ARSL: variants seen among roughly 807,000 people sequenced by gnomAD.
ARSL encodes the protein arylsulfatase E (chondrodysplasia punctata 1).
ARSL carries 4 observed loss-of-function variants against 31.1 expected under a neutral mutation model. That is an observed-to-expected ratio of 0.13 (90% confidence interval 0.06 to 0.29). The LOEUF is 0.29. ARSL is among the 10% of genes least tolerant of loss of function. The pLI is 1.00. For synonymous variants in ARSL, 198 were observed against 209.9 expected (o/e 0.94, Z 0.49); for missense variants, 312 against 497.8 (o/e 0.63, Z 3.55).
intron 4 of ARSL, among the ~76,000 whole-genome samples, chrX:2,953,981 TAA>T (rs1466875131): frequency 9.0e-6 from 1 of 111,598 alleles, no homozygotes; most frequent in East Asian, 2.8e-4. Flanking sequence ...CTCAGCCTCC[TAA>T]AGTGTTGGGA....
chrX:2,962,476 C>CAG (rs1569112867), intron 1 of ARSL, among the ~76,000 whole-genome samples: 1 of 108,632 alleles, frequency 9.2e-6, no homozygotes, highest in Non-Finnish European at 1.9e-5. Context: ...TAGAAGTGGC[C>CAG]GTGGTGTCTG....
Position 2,955,447 on chromosome X carries a change from G to A in ARSL, c.276C>T (p.Ala92=). The A allele has an allele frequency of 8.3e-7, 1 of 1,212,100 alleles. No homozygotes were observed. The highest frequency in any genetic ancestry group is 1.8e-5 in the South Asian group (1 of 56,925). Residue 92 remains alanine, a synonymous_variant, in exon 4 of 11, where the codon GCC becomes GCT. Transcript: ENST00000381134. ...GCACAGGGTATCTGCCCGTGAGGAA[G>A]GCGGCTCTGCTTGGGGTGCACAAAG... ...AASLCTPSRA[A]FLTGRYPVRS... is the part of the protein sequence containing the mutation.
chrX:2,948,913 CA>C (rs1261240673), intron 6 of ARSL, among the ~76,000 whole-genome samples: 5 of 110,618 alleles, frequency 4.5e-5, no homozygotes, highest in Non-Finnish European at 9.4e-5. Context: ...CTTCAAACGT[CA>C]ATTAAAGAAA....
chrX:2,941,402 G>A (rs1245328433), intron 8 of ARSL, among the ~76,000 whole-genome samples: 6 of 109,824 alleles, frequency 5.5e-5, no homozygotes, highest in Non-Finnish European at 1.1e-4. Flanking sequence ...TTACAGGCAC[G>A]CACCACCACA....
intron 4 of ARSL, among the ~76,000 whole-genome samples, 164 bp downstream of exon 4, chrX:2,955,252 G>A (rs1037893377): frequency 7.1e-5 from 8 of 112,265 alleles, no homozygotes; most frequent in East Asian, 2.8e-4. Flanking sequence ...GTCAAGGAGC[G>A]GGGATCTTTT....
intron 2 of ARSL, among the ~76,000 whole-genome samples, chrX:2,960,051 C>T (rs1296558272): frequency 2.2e-4 from 23 of 105,727 alleles, no homozygotes; most frequent in East Asian, 8.8e-4. Flanking sequence ...GGGCGGATCA[C>T]GAGGTCAGGA....
At chrX:2,965,535 TAAAAA>T (rs1362363902), upstream of ARSL, among the ~76,000 whole-genome samples, 1 of 84,849 alleles carries the variant, frequency 1.2e-5, no homozygotes, top group Non-Finnish European at 2.5e-5. Context: ...AAACATAAGA[TAAAAA>T]GAAAAAAAAT....
Position 2,949,421 on chromosome X carries a change from G to A in ARSL, c.737C>T (p.Ala246Val), listed in dbSNP as rs2147379152. ...AAAGCAATCGGCATGGACAATCAGA[G>A]CACCCACAAAATAGGAGCTTGCGAG... is the stretch of plus-strand genomic sequence containing the variant. ...LLLASSYFVGALIVHADCFLM... is the reference protein window; with the variant it reads ...LLLASSYFVGVLIVHADCFLM... Residue 246 changes from alanine to valine, a missense_variant, in exon 6 of 11, where the codon GCT becomes GTT. Transcript: ENST00000381134. 8.3e-7 allele frequency: 1 copy of A among 1,211,400 alleles called. No homozygotes were observed. Among genetic ancestry groups the A allele is most frequent in the Non-Finnish European group, 1.1e-6 (1 of 895,502 alleles).
chrX:2,967,314 AT>A (rs1192533641), upstream of ARSL, among the ~76,000 whole-genome samples: 1 of 112,218 alleles, frequency 8.9e-6, no homozygotes, highest in Non-Finnish European at 1.9e-5. Flanking sequence ...ATAAAAGCAG[AT>A]TTTTCTTTTC....
rs375707500 is a variant in ARSL at position 2,960,433 on chromosome X, A to C, written c.-20-13T>G. ...CTCTCTCTACTTCCTGTAAGACATA[A>C]AGATGTCCACAATCACATTGACAGC... On this transcript the variant is annotated splice_polypyrimidine_tract_variant and intron_variant, in intron 1 of 10. Transcript: ENST00000381134. 54 of 1,201,488 alleles carry C rather than the reference A, an allele frequency of 4.5e-5. No individual in the cohort carries two copies. The African/African-American group carries it at 6.7e-4, about 15-fold the overall frequency.
chrX:2,949,444 G>A lies in ARSL; in HGVS notation c.714C>T (p.Leu238=), dbSNP rs34795651. The change falls in exon 6 of 11, where the codon CTC becomes CTT. Residue 238 remains leucine, a synonymous_variant. Coordinates refer to ENST00000381134, the MANE Select transcript of ARSL (RefSeq NM_000047.3). ...GAGCACCCACAAAATAGGAGCTTGC[G>A]AGGAGGAGGACGGCCGAAAGGGCTG... ...IWSALSAVLL[L]ASSYFVGALI... The A allele has an allele frequency of 1.2e-4, 144 of 1,209,178 alleles. No homozygotes were observed. The African/African-American group carries it at 2.1e-3, about 18-fold the overall frequency.
upstream of ARSL, among the ~76,000 whole-genome samples, chrX:2,966,951 AC>A (rs1229615749): frequency 9.0e-6 from 1 of 111,231 alleles, no homozygotes; most frequent in Non-Finnish European, 1.9e-5. Context: ...ATATATGTAT[AC>A]ATAACATATA....
chrX:2,943,259 T>C (rs949262747), intron 7 of ARSL, 60 bp from the exon 8 acceptor site: 1 of 1,177,395 alleles, frequency 8.5e-7, no homozygotes, highest in African/African-American at 1.8e-5. Context: ...AATGCAGCTC[T>C]GAAGTGTATG....
At chrX:2,965,281 A>G (rs2089688598), upstream of ARSL, among the ~76,000 whole-genome samples, 3 of 110,951 alleles carry the variant, frequency 2.7e-5, no homozygotes, top group African/African-American at 9.8e-5. Context: ...TGGGCCGATC[A>G]CTTGAACCCA....
chrX:2,964,378 G>A (rs2089679653), upstream of ARSL: 1 of 754,056 alleles, frequency 1.3e-6, no homozygotes, highest in Non-Finnish European at 1.6e-6. Flanking sequence ...AGATCAGAGA[G>A]AGTTAGGACA....
intron 7 of ARSL, among the ~76,000 whole-genome samples, chrX:2,945,299 G>C (rs1016913752): frequency 1.8e-5 from 2 of 111,605 alleles, no homozygotes; most frequent in Non-Finnish European, 3.8e-5. Flanking sequence ...GTTGGGTAGA[G>C]GTCAGACTAG....
At position 2,944,690 on chromosome X, in the gene ARSL, G is replaced by A. The variant is rs1022600392; in HGVS notation, c.991+1308C>T. Among the ~76,000 whole-genome samples, 124 of 109,766 alleles carry A rather than the reference G, an allele frequency of 1.1e-3. 2 individuals carry two copies. Among genetic ancestry groups the A allele is most frequent in the African/African-American group, 4.0e-3 (122 of 30,180 alleles). On this transcript the variant is annotated intron_variant, in intron 7 of 10. Coordinates refer to ENST00000381134, the MANE Select transcript of ARSL (RefSeq NM_000047.3). ...TTCCTAAGTTCTTTTTTGGGAGGCA[G>A]GGATGTGCTGTGCCCATATACAGGT...
intron 7 of ARSL, among the ~76,000 whole-genome samples, chrX:2,944,069 C>G (rs1238289911): frequency 1.8e-5 from 2 of 110,271 alleles, no homozygotes; most frequent in African/African-American, 6.6e-5. Flanking sequence ...GTCCCAGGTA[C>G]TTGGGAGGCT....
chrX:2,935,297 C>G, intron 10 of ARSL, 107 bp from the exon 11 acceptor site: 1 of 725,368 alleles, frequency 1.4e-6, no homozygotes, highest in Non-Finnish European at 2.1e-6. Flanking sequence ...AAGCGTCCAT[C>G]GATGGATGGA....
Sources: allele counts gnomAD v4.1 joint callset (sites outside exome capture counted in the v4.1 genomes callset), GRCh38; gene constraint gnomAD v4.1.1; transcripts MANE v1.5; gene names NCBI Gene and HGNC (gene_info 2026-07-23, HGNC 2026-07-21).